CCDC74A: variants seen among roughly 807,000 people sequenced by gnomAD.
The protein encoded by CCDC74A is coiled-coil domain-containing protein 74A.
CCDC74A carries 38 observed loss-of-function variants against 37.6 expected under a neutral mutation model. That is an observed-to-expected ratio of 1.01 (90% CI 0.78 to 1.33). CCDC74A has a LOEUF of 1.33. Ranked by LOEUF, CCDC74A falls within the 40% of genes most tolerant of loss-of-function variation. CCDC74A has a pLI of 0.00. For missense variants in CCDC74A, 340 were observed against 403.4 expected, an observed-to-expected ratio of 0.84 and a Z score of 1.35; for synonymous variants, 134 against 165.2, an observed-to-expected ratio of 0.81 and a Z score of 1.45.
upstream of CCDC74A, among the ~76,000 whole-genome samples, chr2:131,522,737 G>C (rs1399684104): frequency 1.3e-5 from 2 of 152,074 alleles, no homozygotes; most frequent in Non-Finnish European, 2.9e-5. Flanking sequence ...CAGCGCCCCC[G>C]TGATCCGAGG....
At position 131,533,309 on chromosome 2, in the gene CCDC74A, C is replaced by T; in HGVS notation, c.850C>T (p.Leu284=). The part of the protein sequence containing the change: ...PVAERAILPA[L]KQTPKNNFAE... ...GGCGGAGCGTGCCATCCTGCCCGCACTGAAGCAGACCCCGAAGAACAACTT... is the reference window on the plus strand; with the variant it reads ...GGCGGAGCGTGCCATCCTGCCCGCATTGAAGCAGACCCCGAAGAACAACTT... The change falls in exon 8 of 8, where the codon CTG becomes TTG. Residue 284 remains leucine (L), a synonymous_variant. Transcript: ENST00000409856. 6.2e-7 allele frequency: 1 copy of T among 1,613,402 alleles called. No individual in the cohort carries two copies. Among genetic ancestry groups the T allele is most frequent in the Non-Finnish European group, 8.5e-7 (1 of 1,179,964 alleles).
chr2:131,528,818 C>A (rs1400344008), intron 1 of CCDC74A, among the ~76,000 whole-genome samples: 1 of 152,066 alleles, frequency 6.6e-6, no homozygotes, highest in Non-Finnish European at 1.5e-5. Context: ...CTCAAAAAAA[C>A]AAAAACAAAA....
chr2:131,524,187 C>A (rs532475671), upstream of CCDC74A, among the ~76,000 whole-genome samples: 8 of 152,284 alleles, frequency 5.3e-5, no homozygotes, highest in South Asian at 1.0e-3. Context: ...GACTTGGACA[C>A]CTTCCACTGC....
upstream of CCDC74A, among the ~76,000 whole-genome samples, chr2:131,522,737 G>A (rs1399684104): frequency 3.9e-5 from 6 of 152,074 alleles, no homozygotes; most frequent in Non-Finnish European, 7.3e-5. Flanking sequence ...CAGCGCCCCC[G>A]TGATCCGAGG....
Position 131,528,585 on chromosome 2 carries a change from C to G in CCDC74A, c.250+365C>G, listed in dbSNP as rs182763473. On this transcript the variant is annotated intron_variant, in intron 1 of 7. Coordinates refer to ENST00000409856, the MANE Select transcript of CCDC74A (RefSeq NM_001258306.3). ...CAGCACTTTGGGAGGCCGAGACGGG[C>G]GGATCACGAGGTCAGGAGATCGAGA... The G allele has an allele frequency of 3.7e-3, 3,858 of 1,029,100 alleles. 88 individuals are homozygous for G. In the African/African-American group the frequency reaches 0.054, roughly 14 times the overall value. The allele number at this position is 1,029,100 out of a possible 1,614,324, so 63.7% of individuals were successfully genotyped here. A position where few individuals can be genotyped will look rare whatever the true frequency, so the allele number is the denominator to read the frequency against.
chr2:131,530,193 C>T, intron 2 of CCDC74A: 1 of 1,549,060 alleles, frequency 6.5e-7, no homozygotes, highest in Non-Finnish European at 8.7e-7. Flanking sequence ...TTCCTTGCCA[C>T]TTGTCCAAGG....
At chr2:131,525,711 C>CTTTTTTTTTTTTTTTTTTTTTTTTTTTTT (rs58721770), upstream of CCDC74A, among the ~76,000 whole-genome samples, 1 of 63,446 alleles carries the variant, frequency 1.6e-5, no homozygotes, top group Non-Finnish European at 2.6e-5. Context: ...CTATGCCTGC[C>CTTTTTTTTTTTTTTTTTTTTTTTTTTTTT]TTTTTTTTTT....
intron 2 of CCDC74A, chr2:131,530,242 G>A: frequency 6.5e-7 from 1 of 1,546,864 alleles, no homozygotes; most frequent in African/African-American, 1.4e-5. Context: ...CCCAGCCCAG[G>A]ATCCTGGGCT....
chr2:131,529,721 G>A lies in CCDC74A; in HGVS notation c.295+30G>A, dbSNP rs1472870859. The A allele has an allele frequency of 2.5e-6, 4 of 1,611,278 alleles. No individual in the cohort carries two copies. In the South Asian group the frequency reaches 3.3e-5, roughly 13 times the overall value. On this transcript the variant is annotated intron_variant, in intron 2 of 7. Coordinates refer to ENST00000409856, the MANE Select transcript of CCDC74A (RefSeq NM_001258306.3). Reference sequence around the variant, plus strand: ...GAACTGGGCCCTTCAGTGACTGATGGGATGCTCTTGCCACCCAGGGGAGCC... The same window carrying A: ...GAACTGGGCCCTTCAGTGACTGATGAGATGCTCTTGCCACCCAGGGGAGCC...
upstream of CCDC74A, chr2:131,527,858 C>T (rs3101996): frequency 6.4e-6 from 9 of 1,401,232 alleles, no homozygotes; most frequent in East Asian, 2.5e-4. Context: ...CCCCCGCCAA[C>T]CGCCTCGCGC....
intron 2 of CCDC74A, chr2:131,530,037 T>G (rs1270272823): frequency 1.3e-6 from 2 of 1,550,402 alleles, no homozygotes; most frequent in Admixed American, 2.0e-5. Context: ...AGATTGCTGC[T>G]GTGGCCAGGC....
chr2:131,529,807 C>A, intron 2 of CCDC74A, 116 bp downstream of exon 2: 1 of 1,551,508 alleles, frequency 6.4e-7, no homozygotes. Context: ...CCAGTGGGTA[C>A]AGGTTCTGGG....
At chr2:131,529,539 G>T (rs531656696) in intron 1 of CCDC74A, 108 bp from the exon 2 acceptor site, 10 of 1,454,670 alleles carry the variant, frequency 6.9e-6, no homozygotes, top group South Asian at 1.1e-5. Flanking sequence ...CAGCCAGTGG[G>T]GGGGCAGGAC....
upstream of CCDC74A, among the ~76,000 whole-genome samples, chr2:131,525,711 CTTTTTTTTTTTT>C (rs58721770): frequency 1.7e-4 from 11 of 63,454 alleles, no homozygotes; most frequent in African/African-American, 3.0e-4. Context: ...CTATGCCTGC[CTTTTTTTTTTTT>C]TTTTTTTTTT....
chr2:131,529,755 C>G (rs747108435), intron 2 of CCDC74A, 64 bp downstream of exon 2: 2 of 1,591,962 alleles, frequency 1.3e-6, no homozygotes, highest in Non-Finnish European at 1.7e-6. Context: ...CCCCTCCAGA[C>G]TGTCCTTGCC....
chr2:131,524,911 A>AT (rs1366347202), upstream of CCDC74A, among the ~76,000 whole-genome samples: 3 of 139,912 alleles, frequency 2.1e-5, no homozygotes, highest in Admixed American at 7.4e-5. Context: ...AAAAAAAAAA[A>AT]TTAGCCAGGC....
chr2:131,525,711 C>CTTTTTTTTTTTTTTTTTTTTTTT (rs58721770), upstream of CCDC74A, among the ~76,000 whole-genome samples: 2 of 63,446 alleles, frequency 3.2e-5, no homozygotes, highest in African/African-American at 1.5e-4. Context: ...CTATGCCTGC[C>CTTTTTTTTTTTTTTTTTTTTTTT]TTTTTTTTTT....
In CCDC74A at chr2:131,531,449, AGT is replaced by A. The variant is rs1681279699; in HGVS notation, c.347-212_347-211del. Among the ~76,000 whole-genome samples, 3 of 149,778 alleles carry A rather than the reference AGT, an allele frequency of 2.0e-5. No individual in the cohort carries two copies. The South Asian group carries it at 6.4e-4, about 32-fold the overall frequency. Reference sequence around the variant, plus strand: ...GCTTCCACTATGTTGATTGTTCTAGAGTGTTCACAGGCACCACCCATGGGCTT... The same window carrying A: ...GCTTCCACTATGTTGATTGTTCTAGAGTTCACAGGCACCACCCATGGGCTT... On this transcript the variant is annotated intron_variant, in intron 3 of 7. Coordinates refer to ENST00000409856, the MANE Select transcript of CCDC74A (RefSeq NM_001258306.3).
In CCDC74A at chr2:131,531,927, T is replaced by TC. The variant is rs1447798983; in HGVS notation, c.485+127dup. 9 of 1,193,860 alleles carry TC rather than the reference T, an allele frequency of 7.5e-6. No homozygotes were observed. The Admixed American group carries it at 2.1e-4, about 28-fold the overall frequency. 74.0% of individuals were successfully genotyped at this position (1,193,860 alleles called of 1,614,324 possible). ...GTCAGCCAACTGCTCTGCCCCTAGC[T>TC]CCAGGGGCCTGTCTCCTGGGCTCAT... is the stretch of plus-strand genomic sequence containing the variant. On this transcript the variant is annotated intron_variant, in intron 4 of 7. Transcript: ENST00000409856.
Sources: gnomAD v4.1 joint callset for allele counts (sites outside exome capture counted in the v4.1 genomes callset) on GRCh38, gnomAD v4.1.1 for gene constraint, MANE v1.5 for transcripts, NCBI Gene and HGNC (gene_info 2026-07-23, HGNC 2026-07-21) for gene names.